GLRA3: variants seen among roughly 807,000 people sequenced by gnomAD.
GLRA3 encodes the protein glycine receptor subunit alpha-3.
GLRA3 carries 44 observed loss-of-function variants against 60.4 expected under a neutral mutation model. That is an observed-to-expected ratio of 0.73 (90% CI 0.57 to 0.94). The LOEUF (loss-of-function observed/expected upper bound fraction) is 0.94. GLRA3 is among the 40% of genes least tolerant of loss of function. The probability of loss-of-function intolerance (pLI) is 0.00; values close to 1 mark genes in which losing one functional copy is unlikely to be tolerated. For synonymous variants in GLRA3, 223 were observed against 192.9 expected (o/e 1.16, Z -1.29); for missense variants, 508 against 564.6 (o/e 0.90, Z 1.02).
chr4:174,703,682 A>C (rs561189327), intron 5 of GLRA3, among the ~76,000 whole-genome samples: 4 of 152,206 alleles, frequency 2.6e-5, no homozygotes, highest in Non-Finnish European at 5.9e-5. Flanking sequence ...CCTAGAGTTG[A>C]GATGACTTTT....
intron 4 of GLRA3, among the ~76,000 whole-genome samples, chr4:174,725,414 A>G (rs1013706010): frequency 6.6e-6 from 1 of 152,190 alleles, no homozygotes; most frequent in Non-Finnish European, 1.5e-5. Context: ...TGTTTCAAGC[A>G]TATTTGTAAT....
intron 7 of GLRA3, among the ~76,000 whole-genome samples, chr4:174,665,281 CCTT>C (rs1733620010): frequency 6.8e-6 from 1 of 146,900 alleles, no homozygotes; most frequent in African/African-American, 2.5e-5. Context: ...CTGGAACCCT[CCTT>C]CTTTGGGTAA....
intron 7 of GLRA3, among the ~76,000 whole-genome samples, chr4:174,673,232 T>G (rs547089316): frequency 6.6e-6 from 1 of 152,276 alleles, no homozygotes; most frequent in East Asian, 1.9e-4. Context: ...TAATGTGGAT[T>G]CCTTCTAGTA....
chr4:174,718,100 G>T (rs10035036), intron 4 of GLRA3, among the ~76,000 whole-genome samples: 146,817 of 152,300 alleles, frequency 0.96, 70,997 homozygotes, highest in East Asian at 1. Flanking sequence ...GTAGGACTTC[G>T]GTCATAAATC....
At chr4:174,818,986 T>G (rs1740625216) in intron 1 of GLRA3, among the ~76,000 whole-genome samples, 1 of 152,202 alleles carries the variant, frequency 6.6e-6, no homozygotes, top group Admixed American at 6.5e-5. Context: ...ATTACACACT[T>G]CCATCTTTAT....
intron 5 of GLRA3, among the ~76,000 whole-genome samples, chr4:174,687,705 C>T (rs559360726): frequency 6.6e-6 from 1 of 152,076 alleles, no homozygotes; most frequent in Non-Finnish European, 1.5e-5. Context: ...CTTCCCAATA[C>T]TTAAGAGATT....
chr4:174,772,392 C>T (rs1738426517), intron 2 of GLRA3, among the ~76,000 whole-genome samples: 1 of 152,080 alleles, frequency 6.6e-6, no homozygotes, highest in South Asian at 2.1e-4. Context: ...TTATTCTCCA[C>T]CTGGTTATAA....
Position 174,682,897 on chromosome 4 carries a change from T to C in GLRA3, c.617A>G (p.Glu206Gly). 1 of 1,612,852 alleles carries C rather than the reference T, an allele frequency of 6.2e-7. No homozygotes were observed. The highest frequency in any genetic ancestry group is 2.2e-5 in the East Asian group (1 of 44,848). Residue 206 changes from glutamate to glycine, a missense_variant, in exon 6 of 10, where the codon GAG becomes GGG. By Grantham distance (98) the Glu-to-Gly change is moderately conservative. Coordinates refer to ENST00000274093, the MANE Select transcript of GLRA3 (RefSeq NM_006529.4). Reference protein sequence around the residue: ...MNDLIFEWQDEAPVQVAEGLT... With the variant: ...MNDLIFEWQDGAPVQVAEGLT... Reference sequence around the variant, plus strand: ...TCCTTCTGCCACTTGTACGGGTGCCTCATCTTGCCATTCAAAAATGAGATC... The same window carrying C: ...TCCTTCTGCCACTTGTACGGGTGCCCCATCTTGCCATTCAAAAATGAGATC...
At chr4:174,799,410 C>T (rs866304917) in intron 1 of GLRA3, among the ~76,000 whole-genome samples, 13 of 152,152 alleles carry the variant, frequency 8.5e-5, no homozygotes, top group Admixed American at 2.6e-4. Context: ...AAAAGAAATT[C>T]GAAGGCAATC....
chr4:174,793,682 G>T (rs1377231082), intron 1 of GLRA3, among the ~76,000 whole-genome samples: 3 of 152,026 alleles, frequency 2.0e-5, no homozygotes, highest in Non-Finnish European at 2.9e-5. Context: ...ATGAGCCACT[G>T]CACCTGGCCA....
At chr4:174,759,516 G>A (rs1737857275) in intron 3 of GLRA3, among the ~76,000 whole-genome samples, 1 of 152,024 alleles carries the variant, frequency 6.6e-6, no homozygotes, top group Non-Finnish European at 1.5e-5. Context: ...AGTTTCCCCA[G>A]TGCTCATCTT....
chr4:174,713,353 A>G (rs1735793520), intron 5 of GLRA3, among the ~76,000 whole-genome samples: 2 of 152,174 alleles, frequency 1.3e-5, no homozygotes, highest in Non-Finnish European at 2.9e-5. Context: ...AAATAGCCCC[A>G]GTAAGCTTTC....
intron 3 of GLRA3, among the ~76,000 whole-genome samples, chr4:174,737,137 A>T (rs1277246640): frequency 1.3e-5 from 2 of 152,212 alleles, no homozygotes; most frequent in Admixed American, 6.5e-5. Flanking sequence ...TATAGAACTA[A>T]CAAAGAAAAA....
chr4:174,774,695 G>C (rs1041978378), intron 2 of GLRA3, among the ~76,000 whole-genome samples: 1 of 152,008 alleles, frequency 6.6e-6, no homozygotes, highest in African/African-American at 2.4e-5. Context: ...ATAAAGTGCT[G>C]GTTCAGACTG....
chr4:174,748,350 G>A (rs1448090260), intron 3 of GLRA3, among the ~76,000 whole-genome samples: 3 of 152,132 alleles, frequency 2.0e-5, no homozygotes, highest in Non-Finnish European at 4.4e-5. Flanking sequence ...TTAGTGAAGC[G>A]ATTGGTGAAA....
intron 3 of GLRA3, among the ~76,000 whole-genome samples, chr4:174,729,898 T>G (rs1736487010): frequency 1.3e-5 from 2 of 152,216 alleles, no homozygotes; most frequent in Non-Finnish European, 2.9e-5. Context: ...TCACAACGGA[T>G]GCTTTAATAA....
chr4:174,769,134 G>A (rs897970354), intron 2 of GLRA3, among the ~76,000 whole-genome samples: 3 of 151,422 alleles, frequency 2.0e-5, no homozygotes, highest in Non-Finnish European at 2.9e-5. Flanking sequence ...TCAATTCTTC[G>A]GATATTTACC....
chr4:174,799,653 A>G (rs1739727678), intron 1 of GLRA3, among the ~76,000 whole-genome samples: 1 of 152,236 alleles, frequency 6.6e-6, no homozygotes, highest in Non-Finnish European at 1.5e-5. Context: ...GAACCTTAGA[A>G]AGAAGATAAG....
intron 7 of GLRA3, among the ~76,000 whole-genome samples, chr4:174,666,739 A>AATATAT (rs1206177926): frequency 1.5e-5 from 2 of 134,170 alleles, no homozygotes; most frequent in African/African-American, 2.7e-5. Context: ...CTCAAATAAG[A>AATATAT]ATATATATAT....
Sources: gnomAD v4.1 joint callset for allele counts (sites outside exome capture counted in the v4.1 genomes callset) on GRCh38, gnomAD v4.1.1 for gene constraint, MANE v1.5 for transcripts, NCBI Gene and HGNC (gene_info 2026-07-23, HGNC 2026-07-21) for gene names.